The following LIMCH1 variants were observed in gnomAD, a reference collection of about 807,000 sequenced individuals.
The protein encoded by LIMCH1 is LIM and calponin homology domains-containing protein 1.
LIMCH1 carries 113 observed loss-of-function variants against 176.5 expected under a neutral mutation model. The observed-to-expected ratio is 0.64, with a 90% CI of 0.55 to 0.75. The LOEUF (loss-of-function observed/expected upper bound fraction) is 0.75, where lower values mean the gene tolerates loss of function less well. Ranked by LOEUF, LIMCH1 falls within the 30% of genes least tolerant of loss-of-function variation. The pLI is 0.00. For missense variants in LIMCH1, 1,674 were observed against 1,814.9 expected, an observed-to-expected ratio of 0.92 and a Z score of 1.41; for synonymous variants, 619 against 645.9, an observed-to-expected ratio of 0.96 and a Z score of 0.63.
chr4:41,462,261 A>T (rs765007473), intron 1 of LIMCH1, among the ~76,000 whole-genome samples: 4 of 152,194 alleles, frequency 2.6e-5, no homozygotes, highest in African/African-American at 9.6e-5. Flanking sequence ...TGCTGGTCCC[A>T]GTTGACTTGT....
chr4:41,427,711 C>A (rs2061240808), intron 1 of LIMCH1, among the ~76,000 whole-genome samples: 1 of 152,136 alleles, frequency 6.6e-6, no homozygotes, highest in South Asian at 2.1e-4. Flanking sequence ...CCCCAAATTA[C>A]AAAAATACAT....
At chr4:41,517,157 C>G (rs918168720) in intron 2 of LIMCH1, among the ~76,000 whole-genome samples, 8 of 152,134 alleles carry the variant, frequency 5.3e-5, no homozygotes, top group African/African-American at 1.9e-4. Flanking sequence ...CCGAGGACTT[C>G]CGGGTGTCAA....
chr4:41,487,779 A>C (rs1056494439), intron 1 of LIMCH1, among the ~76,000 whole-genome samples: 1 of 146,056 alleles, frequency 6.8e-6, no homozygotes, highest in Non-Finnish European at 1.5e-5. Flanking sequence ...CTGCCTCCCT[A>C]GTAGCTGGGA....
At chr4:41,546,248 C>T (rs1056231275) in intron 1 of LIMCH1, among the ~76,000 whole-genome samples, 2 of 152,052 alleles carry the variant, frequency 1.3e-5, no homozygotes, top group African/African-American at 4.8e-5. Context: ...AAGCAATTCT[C>T]CTGCCTCACC....
intron 18 of LIMCH1, among the ~76,000 whole-genome samples, chr4:41,658,960 T>C (rs1276772082): frequency 2.0e-5 from 3 of 152,236 alleles, no homozygotes; most frequent in African/African-American, 7.2e-5. Flanking sequence ...TCAGTATTTC[T>C]GCCAGTATTT....
upstream of LIMCH1, among the ~76,000 whole-genome samples, chr4:41,533,468 A>G (rs1475626264): frequency 6.6e-6 from 1 of 152,188 alleles, no homozygotes; most frequent in Non-Finnish European, 1.5e-5. Context: ...CCTTGTGCTT[A>G]TAGGACTTTA....
At chr4:41,371,026 C>A (rs886453932) in intron 1 of LIMCH1, among the ~76,000 whole-genome samples, 2 of 152,184 alleles carry the variant, frequency 1.3e-5, no homozygotes. Context: ...CTGTGTCCCG[C>A]TGCCTTATCC....
Position 41,685,706 on chromosome 4 carries a change from T to C in LIMCH1, c.3968-4T>C, listed in dbSNP as rs199568550. On this transcript the variant is annotated splice_region_variant and splice_polypyrimidine_tract_variant and intron_variant, in intron 27 of 31. Transcript: ENST00000503057. Reference sequence around the variant, plus strand: ...CTACATTTATGTTCTTTAATTGGCCTCAGATCCATCCCAGAATCAGCAGAC... The same window carrying C: ...CTACATTTATGTTCTTTAATTGGCCCCAGATCCATCCCAGAATCAGCAGAC... The C allele has an allele frequency of 6.2e-7, 1 of 1,613,356 alleles. No individual in the cohort carries two copies. The highest frequency in any genetic ancestry group is 1.3e-5 in the African/African-American group (1 of 74,982).
chr4:41,683,980 C>T (rs559724066), intron 26 of LIMCH1, among the ~76,000 whole-genome samples: 1 of 152,282 alleles, frequency 6.6e-6, no homozygotes, highest in Admixed American at 6.5e-5. Flanking sequence ...CTGTTTTCAC[C>T]AGAAAAACTT....
At chr4:41,430,384 C>G (rs1352691977) in intron 1 of LIMCH1, among the ~76,000 whole-genome samples, 1 of 152,208 alleles carries the variant, frequency 6.6e-6, no homozygotes, top group East Asian at 1.9e-4. Flanking sequence ...TTGCCTCAGC[C>G]TTCCGAGTAG....
At chr4:41,513,186 TCAGA>T (rs1169614964) in intron 2 of LIMCH1, among the ~76,000 whole-genome samples, 1 of 152,102 alleles carries the variant, frequency 6.6e-6, no homozygotes, top group Admixed American at 6.5e-5. Context: ...AATAGTAACA[TCAGA>T]CAAAGAAAGG....
rs2094330873 is a variant in LIMCH1, at chr4:41,652,345, TTC to T, written c.3036+1740_3036+1741del. 2.0e-5 allele frequency among the ~76,000 whole-genome samples: 3 copies of T among 152,216 alleles called. 1 individual carries two copies. In the South Asian group the frequency reaches 6.2e-4, roughly 32 times the overall value. Reference sequence around the variant, plus strand: ...CAAATGGGAGTAGACCAAAATCATTTTCTCACCATGGTAACACGTTTCCTAGT... The same window carrying T: ...CAAATGGGAGTAGACCAAAATCATTTTCACCATGGTAACACGTTTCCTAGT... On this transcript the variant is annotated intron_variant, in intron 18 of 31. Coordinates refer to ENST00000503057, the MANE Select transcript of LIMCH1 (RefSeq NM_001330672.2).
intron 1 of LIMCH1, among the ~76,000 whole-genome samples, chr4:41,492,558 C>T (rs1279127671): frequency 1.3e-5 from 2 of 152,184 alleles, no homozygotes; most frequent in Admixed American, 6.5e-5. Context: ...TAAATGCTCA[C>T]TGTGAACTTA....
chr4:41,491,085 G>A (rs1435196245), intron 1 of LIMCH1, among the ~76,000 whole-genome samples: 2 of 149,650 alleles, frequency 1.3e-5, no homozygotes, highest in Non-Finnish European at 3.0e-5. Context: ...CCCAGACAGG[G>A]TGGTGGCCGG....
At chr4:41,406,379 G>A (rs569333441) in intron 1 of LIMCH1, among the ~76,000 whole-genome samples, 2 of 152,154 alleles carry the variant, frequency 1.3e-5, no homozygotes, top group African/African-American at 4.8e-5. Flanking sequence ...CTGTAGTGAT[G>A]TCATCAGAAG....
At chr4:41,691,390 T>C (rs1725528277) in intron 30 of LIMCH1, among the ~76,000 whole-genome samples, 1 of 152,074 alleles carries the variant, frequency 6.6e-6, no homozygotes, top group Admixed American at 6.5e-5. Flanking sequence ...TCAGCCTGTG[T>C]TGGTGGAAAT....
intron 1 of LIMCH1, among the ~76,000 whole-genome samples, chr4:41,405,638 C>T (rs941588348): frequency 5.9e-5 from 9 of 152,058 alleles, no homozygotes; most frequent in African/African-American, 2.2e-4. Context: ...ACAGGCCTTA[C>T]TCAGTAACTT....
chr4:41,401,586 G>A (rs534976686), intron 1 of LIMCH1, among the ~76,000 whole-genome samples: 1 of 152,188 alleles, frequency 6.6e-6, no homozygotes, highest in Admixed American at 6.5e-5. Flanking sequence ...TTGGTAGCTT[G>A]ATGGGGATGG....
At chr4:41,461,753 C>A (rs925608945) in intron 1 of LIMCH1, among the ~76,000 whole-genome samples, 1 of 152,154 alleles carries the variant, frequency 6.6e-6, no homozygotes, top group Non-Finnish European at 1.5e-5. Flanking sequence ...ATTGTGAAGG[C>A]CATCAGCAAA....
Sources: gnomAD v4.1 joint callset for allele counts (sites outside exome capture counted in the v4.1 genomes callset) on GRCh38, gnomAD v4.1.1 for gene constraint, MANE v1.5 for transcripts, NCBI Gene and HGNC (gene_info 2026-07-23, HGNC 2026-07-21) for gene names.